Variants in RAPGEF1 observed in about 807,000 individuals in gnomAD.
RAPGEF1 encodes the protein Rap guanine nucleotide exchange factor 1, also known as CRK SH3-binding GNRP.
A neutral mutation model predicts 143.3 loss-of-function variants in RAPGEF1; 33 were observed. That is an observed-to-expected ratio of 0.23 (90% CI 0.17 to 0.31). The LOEUF (loss-of-function observed/expected upper bound fraction) is 0.31, where lower values mean the gene tolerates loss of function less well. Ranked by LOEUF, RAPGEF1 falls within the 10% of genes least tolerant of loss-of-function variation. RAPGEF1 has a pLI of 1.00. For missense variants in RAPGEF1, 1,199 were observed against 1,645.4 expected (o/e 0.73, Z 4.69); for synonymous variants, 629 against 676.5 (o/e 0.93, Z 1.09).
intron 1 of RAPGEF1, among the ~76,000 whole-genome samples, chr9:131,653,407 T>C (rs1160293026): frequency 6.6e-6 from 1 of 152,250 alleles, no homozygotes; most frequent in Non-Finnish European, 1.5e-5. Flanking sequence ...GGGTCAGCTA[T>C]ACCTGATAAG....
intron 1 of RAPGEF1, among the ~76,000 whole-genome samples, chr9:131,689,664 G>A (rs931380318): frequency 5.3e-5 from 8 of 151,878 alleles, no homozygotes; most frequent in African/African-American, 9.7e-5. Context: ...TCAGCCTCCC[G>A]AGTAGCTGGG....
intron 1 of RAPGEF1, among the ~76,000 whole-genome samples, chr9:131,715,082 G>A (rs4740303): frequency 0.036 from 5,400 of 152,076 alleles, 211 homozygotes; most frequent in East Asian, 0.091. Context: ...ACCACGTGTC[G>A]AATGTCATAG....
intron 1 of RAPGEF1, among the ~76,000 whole-genome samples, chr9:131,738,383 GA>G: frequency 6.6e-6 from 1 of 152,240 alleles, no homozygotes. Context: ...CTGCACAGAT[GA>G]ACCCAAGTTA....
intron 26 of RAPGEF1, 135 bp from the exon 27 acceptor site, chr9:131,579,782 T>C: frequency 1.1e-6 from 1 of 897,354 alleles, no homozygotes; most frequent in East Asian, 2.7e-5. Context: ...GGGCTACCGT[T>C]GACCAATGTG....
chr9:131,690,576 T>C (rs1224986909), intron 1 of RAPGEF1, among the ~76,000 whole-genome samples: 2 of 152,082 alleles, frequency 1.3e-5, no homozygotes, highest in Non-Finnish European at 2.9e-5. Context: ...GGAGGGCAGA[T>C]CGCATATAGC....
Position 131,584,486 on chromosome 9 carries a change from T to C in RAPGEF1, c.3312+32A>G, listed in dbSNP as rs1057272527. 6.2e-7 allele frequency: 1 copy of C among 1,613,422 alleles called. No individual in the cohort carries two copies. Among genetic ancestry groups the C allele is most frequent in the South Asian group, 1.1e-5 (1 of 91,082 alleles). ...GGGCTCCCAGAGCAGGGACTGATGA[T>C]GGGGGCCTGGGAAGGACTTGGCCAC... is the stretch of plus-strand genomic sequence containing the variant. On this transcript the variant is annotated intron_variant, in intron 23 of 26. Transcript: ENST00000683357. The surrounding 1 kb of genome is among the most constrained non-coding windows in gnomAD (Gnocchi z 6.8).
Position 131,650,892 on chromosome 9 carries a change from G to A in RAPGEF1, c.119C>T (p.Ser40Leu). 6.2e-7 allele frequency: 1 copy of A among 1,613,928 alleles called. No individual in the cohort carries two copies. The highest frequency in any genetic ancestry group is 8.5e-7 in the Non-Finnish European group (1 of 1,179,832). Reference protein sequence around the residue: ...FTMKLMDKFHSPKIKRTPSKK... With the variant: ...FTMKLMDKFHLPKIKRTPSKK... The stretch of plus-strand genomic sequence containing the variant: ...TGATGGCGTTCTCTTGATTTTGGGT[G>A]AGTGGAATTTGTCCATCAGCTTCAT... Residue 40 changes from serine to leucine, a missense_variant, in exon 2 of 27, where the codon TCA becomes TTA. Coordinates refer to ENST00000683357, the MANE Select transcript of RAPGEF1 (RefSeq NM_001377935.1). The surrounding 1 kb of genome is among the most constrained non-coding windows in gnomAD (Gnocchi z 4.7).
chr9:131,712,375 A>AT (rs1176390936), intron 1 of RAPGEF1, among the ~76,000 whole-genome samples: 1 of 152,186 alleles, frequency 6.6e-6, no homozygotes, highest in African/African-American at 2.4e-5. Context: ...ACACACACTG[A>AT]TTGTCCCCAC....
At position 131,583,112 on chromosome 9, in the gene RAPGEF1, C is replaced by T. The variant is rs1952135711; in HGVS notation, c.3415-410G>A. 6.6e-6 allele frequency among the ~76,000 whole-genome samples: 1 copy of T among 152,172 alleles called. No individual in the cohort carries two copies. Among genetic ancestry groups the T allele is most frequent in the East Asian group, 1.9e-4 (1 of 5,186 alleles). On this transcript the variant is annotated intron_variant, in intron 24 of 26. Coordinates refer to ENST00000683357, the MANE Select transcript of RAPGEF1 (RefSeq NM_001377935.1). This position sits in a 1 kb window ranked among gnomAD's most constrained non-coding sequence, Gnocchi z 4.7. ...CTGACTCGGAGCTGCCTTTGCTCTG[C>T]CCTGTACTCAGGGAGGACCAACTAA...
chr9:131,630,176 C>T, intron 6 of RAPGEF1, 60 bp downstream of exon 6: 1 of 1,474,674 alleles, frequency 6.8e-7, no homozygotes, highest in Non-Finnish European at 9.4e-7. Context: ...CTATCCTTGT[C>T]AAGTGCAGAC....
intron 1 of RAPGEF1, among the ~76,000 whole-genome samples, chr9:131,736,928 T>C (rs28671476): frequency 6.6e-6 from 1 of 152,118 alleles, no homozygotes; most frequent in Non-Finnish European, 1.5e-5. Context: ...GGAGACTGAA[T>C]AGTGGGAAGT....
At chr9:131,587,876 C>T (rs752065497) in intron 21 of RAPGEF1, 46 bp from the exon 22 acceptor site, 3 of 1,602,698 alleles carry the variant, frequency 1.9e-6, no homozygotes, top group Non-Finnish European at 8.5e-7. Flanking sequence ...CCGGCTTTCC[C>T]CTGATGGGGG....
At chr9:131,616,870 G>A (rs1959091724) in intron 12 of RAPGEF1, among the ~76,000 whole-genome samples, 1 of 152,164 alleles carries the variant, frequency 6.6e-6, no homozygotes, top group Non-Finnish European at 1.5e-5. Context: ...CTTCTCTGAG[G>A]TTCCGGCATA....
intron 25 of RAPGEF1, among the ~76,000 whole-genome samples, 193 bp from the exon 26 acceptor site, chr9:131,580,584 C>T (rs1951713745): frequency 6.6e-6 from 1 of 152,176 alleles, no homozygotes; most frequent in South Asian, 2.1e-4. Flanking sequence ...TCCACAAGCA[C>T]CTGCTGGGGA....
Position 131,628,407 on chromosome 9 carries a change from G to C in RAPGEF1, c.1017+142C>G. ...TTGGACCGTGTCCTGGAGAGAGAGG[G>C]ATGGGTACAAGGTCTCGCACTCCTC... On this transcript the variant is annotated intron_variant, in intron 8 of 26. Coordinates refer to ENST00000683357, the MANE Select transcript of RAPGEF1 (RefSeq NM_001377935.1). The surrounding 1 kb of genome is among the most constrained non-coding windows in gnomAD (Gnocchi z 5.7). 3 of 1,175,108 alleles carry C rather than the reference G, an allele frequency of 2.6e-6. No individual in the cohort carries two copies. The highest frequency in any genetic ancestry group is 3.5e-6 in the Non-Finnish European group (3 of 852,766). 72.8% of individuals were successfully genotyped at this position (1,175,108 alleles called of 1,614,324 possible). A position where few individuals can be genotyped will look rare whatever the true frequency, so the allele number is the denominator to read the frequency against.
intron 12 of RAPGEF1, among the ~76,000 whole-genome samples, chr9:131,608,574 C>A (rs1474634345): frequency 6.6e-6 from 1 of 152,138 alleles, no homozygotes. Context: ...GGAGAGTCGG[C>A]CTCTCTTGGA....
chr9:131,628,570 C>A lies in RAPGEF1; in HGVS notation c.996G>T (p.Leu332Phe). ...PMSRATSGSS[L>F]PVGINRQDFD... The stretch of plus-strand genomic sequence containing the variant: ...TTACCTGCCTATTGATTCCAACAGG[C>A]AAACTGGAGCCACTGGTGGCTCGGC... The change falls in exon 8 of 27, where the codon TTG (leucine) becomes TTT (phenylalanine). Residue 332 changes from leucine (L) to phenylalanine (F), a missense_variant. Around this residue, in one of 6 missense-constraint regions of RAPGEF1, gnomAD observed 613 missense variants for 710.9 expected, o/e 0.86. Transcript: ENST00000683357. The surrounding 1 kb of genome is among the most constrained non-coding windows in gnomAD (Gnocchi z 5.7). 1 of 1,612,806 alleles carries A rather than the reference C, an allele frequency of 6.2e-7. No homozygotes were observed. The highest frequency in any genetic ancestry group is 8.5e-7 in the Non-Finnish European group (1 of 1,178,856).
intron 1 of RAPGEF1, among the ~76,000 whole-genome samples, chr9:131,676,512 G>C (rs1052708931): frequency 6.6e-6 from 1 of 152,228 alleles, no homozygotes; most frequent in Admixed American, 6.5e-5. Context: ...GTCCTTTGAT[G>C]GGTAGCAGAT....
At chr9:131,637,128 G>GGCAGGAAAATCACTTGAAC (rs1966575639) in intron 5 of RAPGEF1, among the ~76,000 whole-genome samples, 1 of 152,048 alleles carries the variant, frequency 6.6e-6, no homozygotes, top group African/African-American at 2.4e-5. Context: ...GGGAGGCTGA[G>GGCAGGAAAATCACTTGAAC]GCAGGAAAAT....
Sources: gnomAD v4.1 joint callset for allele counts (sites outside exome capture counted in the v4.1 genomes callset) on GRCh38, gnomAD v4.1.1 for gene constraint, gnomAD v4.1.1 regional missense constraint, Gnocchi (gnomAD v3.1) non-coding constraint, MANE v1.5 for transcripts, NCBI Gene and HGNC (gene_info 2026-07-23, HGNC 2026-07-21) for gene names.